USP43: variants seen among roughly 807,000 people sequenced by gnomAD.
USP43 encodes ubiquitin specific peptidase 43.
Under a neutral mutation model 90.7 loss-of-function variants are expected in USP43, and 33 were observed. The ratio of observed to expected loss-of-function variants is 0.36; its 90% confidence interval spans 0.28 to 0.49. USP43 has a LOEUF of 0.49. Ranked by LOEUF, USP43 falls within the 20% of genes least tolerant of loss-of-function variation. USP43 has a pLI of 0.98. For missense variants in USP43, 1,274 were observed against 1,476.4 expected, an observed-to-expected ratio of 0.86 and a Z score of 2.25; for synonymous variants, 598 against 615.8, an observed-to-expected ratio of 0.97 and a Z score of 0.43.
intron 3 of USP43, 88 bp downstream of exon 3, chr17:9,666,839 C>T (rs1913065468): frequency 1.9e-6 from 2 of 1,078,958 alleles, no homozygotes; most frequent in Admixed American, 2.0e-5. Context: ...CAGATTTACC[C>T]TGAGATTTCA....
intron 9 of USP43, 59 bp from the exon 10 acceptor site, chr17:9,700,113 G>A (rs971606526): frequency 2.7e-6 from 4 of 1,483,552 alleles, no homozygotes; most frequent in African/African-American, 2.8e-5. Context: ...GCTGAGCCCT[G>A]AAGAGCTGTG....
intron 12 of USP43, among the ~76,000 whole-genome samples, chr17:9,708,475 A>G (rs1251236569): frequency 6.6e-6 from 1 of 152,138 alleles, no homozygotes; most frequent in Admixed American, 6.5e-5. Context: ...CATAGTTTGG[A>G]AGTAGAATCA....
chr17:9,654,197 AC>A (rs1912072843), intron 1 of USP43, among the ~76,000 whole-genome samples: 2 of 152,142 alleles, frequency 1.3e-5, no homozygotes, highest in Admixed American at 1.3e-4. Flanking sequence ...AAATTGAATA[AC>A]TTTTTAGTGT....
rs754786295 is a variant in USP43, at chr17:9,728,336, A to G, written c.2718A>G (p.Ser906=). ...ACCACTGTCTGGCCCCTGGAAACTC[A>G]GATGGTCCAAACACAGCAAGGAAAC... ...QPNHCLAPGN[S]DGPNTARKLK... The change falls in exon 15 of 15, where the codon TCA becomes TCG. Residue 906 remains serine, a synonymous_variant. Transcript: ENST00000285199. The surrounding 1 kb of genome is among the most constrained non-coding windows in gnomAD (Gnocchi z 6.2). The G allele has an allele frequency of 1.2e-6, 2 of 1,612,184 alleles. No individual in the cohort carries two copies. Among genetic ancestry groups the G allele is most frequent in the Non-Finnish European group, 1.7e-6 (2 of 1,179,158 alleles).
chr17:9,672,563 ATATCC>A (rs1913510115), intron 3 of USP43, among the ~76,000 whole-genome samples: 2 of 152,238 alleles, frequency 1.3e-5, no homozygotes, highest in African/African-American at 4.8e-5. Context: ...TGACCCAAGT[ATATCC>A]TTCAGGCCAA....
In USP43 at chr17:9,682,851, A is replaced by G. The variant is rs1006474942; in HGVS notation, c.1134A>G (p.Pro378=). 3 of 1,613,790 alleles carry G rather than the reference A, an allele frequency of 1.9e-6. No homozygotes were observed. The African/African-American group carries it at 4.0e-5, about 22-fold the overall frequency. Residue 378 remains proline, a synonymous_variant, in exon 7 of 15, where the codon CCA becomes CCG. Coordinates refer to ENST00000285199, the MANE Select transcript of USP43 (RefSeq NM_153210.5). ...ATCCACTGGGTCTGTCGGCCTCCCC[A>G]CGCCTGGCAGCCCGTGAGGGCCAGC... is the stretch of plus-strand genomic sequence containing the variant. ...SAHPLGLSAS[P]RLAAREGQRF... is the part of the protein sequence containing the mutation.
intron 1 of USP43, among the ~76,000 whole-genome samples, chr17:9,652,740 C>T (rs915779504): frequency 8.6e-5 from 13 of 151,986 alleles, no homozygotes; most frequent in Admixed American, 3.3e-4. Flanking sequence ...AAATACCTGC[C>T]AAATACTTTA....
rs76974432 is a variant in USP43 at position 9,710,142 on chromosome 17, G to A, written c.2170+28G>A. ...AGGTGCTGCTGCTCATGACAGGAGG[G>A]GGGTGTGGGGAAGTCACTTTAAGAA... On this transcript the variant is annotated intron_variant, in intron 13 of 14. Coordinates refer to ENST00000285199, the MANE Select transcript of USP43 (RefSeq NM_153210.5). The A allele has an allele frequency of 6.2e-5, 88 of 1,410,988 alleles. No individual in the cohort carries two copies. The South Asian group carries it at 1.3e-3, about 21-fold the overall frequency. The allele number at this position is 1,410,988 out of a possible 1,614,324, so 87.4% of individuals were successfully genotyped here. A position where few individuals can be genotyped will look rare whatever the true frequency, so the allele number is the denominator to read the frequency against.
chr17:9,709,819 T>G lies in USP43; in HGVS notation c.2012-137T>G. ...TGATCTTTTCTGATTCCAAAAAAAA[T>G]TCATTTCTGGCCAAAAATGGACTGT... On this transcript the variant is annotated intron_variant, in intron 12 of 14. Coordinates refer to ENST00000285199, the MANE Select transcript of USP43 (RefSeq NM_153210.5). The surrounding 1 kb of genome is among the most constrained non-coding windows in gnomAD (Gnocchi z 5.0). 1 of 929,088 alleles carries G rather than the reference T, an allele frequency of 1.1e-6. No homozygotes were observed. The highest frequency in any genetic ancestry group is 1.4e-6 in the Non-Finnish European group (1 of 699,516). The allele number at this position is 929,088 out of a possible 1,614,324, so 57.6% of individuals were successfully genotyped here.
intron 1 of USP43, among the ~76,000 whole-genome samples, chr17:9,652,641 G>T (rs114357396): frequency 0.011 from 1,695 of 152,110 alleles, 36 homozygotes; most frequent in African/African-American, 0.039. Context: ...GATTATAGGT[G>T]TGAGCCACCA....
At chr17:9,647,877 C>T (rs921828091) in intron 1 of USP43, among the ~76,000 whole-genome samples, 33 of 144,686 alleles carry the variant, frequency 2.3e-4, no homozygotes, top group Admixed American at 8.1e-4. Flanking sequence ...AAAAATTAGC[C>T]GGACGTGGTG....
chr17:9,715,919 A>G (rs545617803), intron 14 of USP43, among the ~76,000 whole-genome samples: 1 of 125,898 alleles, frequency 7.9e-6, no homozygotes, highest in African/African-American at 3.1e-5. Context: ...ATCTGTGTAT[A>G]TGTGTCTGTG....
intron 8 of USP43, among the ~76,000 whole-genome samples, chr17:9,690,614 G>A (rs563401704): frequency 6.6e-6 from 1 of 152,294 alleles, no homozygotes; most frequent in South Asian, 2.1e-4. Context: ...GCCAGACGTG[G>A]TGGCTCACGC....
At chr17:9,647,063 A>C (rs1205665857) in intron 1 of USP43, 1 of 24,940 alleles carries the variant, frequency 4.0e-5, no homozygotes, top group Non-Finnish European at 2.4e-4. Flanking sequence ...GCTTCCTGCA[A>C]AAAAAAAAAA....
At chr17:9,684,679 C>G (rs1174336804) in intron 7 of USP43, among the ~76,000 whole-genome samples, 1 of 146,804 alleles carries the variant, frequency 6.8e-6, no homozygotes, top group Non-Finnish European at 1.5e-5. Context: ...AGGAGAATTG[C>G]TTGAACCCGG....
chr17:9,702,725 C>T (rs1005423627), intron 12 of USP43, among the ~76,000 whole-genome samples: 2 of 152,104 alleles, frequency 1.3e-5, no homozygotes, highest in African/African-American at 2.4e-5. Context: ...TTGGTAGCTG[C>T]GGCAATTGAG....
chr17:9,647,346 A>G (rs1249754032), intron 1 of USP43, among the ~76,000 whole-genome samples: 1 of 152,128 alleles, frequency 6.6e-6, no homozygotes, highest in Non-Finnish European at 1.5e-5. Flanking sequence ...TTGTCACTAA[A>G]TGTCTCTTTT....
chr17:9,685,241 C>G (rs1914533726), intron 7 of USP43, among the ~76,000 whole-genome samples: 1 of 152,206 alleles, frequency 6.6e-6, no homozygotes, highest in African/African-American at 2.4e-5. Flanking sequence ...GGTCTTCACA[C>G]AGGCTGCAGC....
At chr17:9,714,657 T>C (rs202099886) in intron 14 of USP43, among the ~76,000 whole-genome samples, 8,964 of 133,884 alleles carry the variant, frequency 0.067, 419 homozygotes, top group African/African-American at 0.14. Flanking sequence ...CACTCCAGCC[T>C]GGGCAACAGA....
Sources: gnomAD v4.1 joint callset for allele counts (sites outside exome capture counted in the v4.1 genomes callset) on GRCh38, gnomAD v4.1.1 for gene constraint, Gnocchi (gnomAD v3.1) non-coding constraint, MANE v1.5 for transcripts, NCBI Gene and HGNC (gene_info 2026-07-23, HGNC 2026-07-21) for gene names.